TYK2: variants seen among roughly 807,000 people sequenced by gnomAD.
TYK2 encodes tyrosine kinase 2, also known as non-receptor tyrosine-protein kinase TYK2.
In TYK2, 65 loss-of-function variants were observed where a neutral mutation model predicts 130.9. The ratio of observed to expected loss-of-function variants is 0.50; its 90% confidence interval spans 0.41 to 0.61. The LOEUF is 0.61. TYK2 is among the 20% of genes least tolerant of loss of function. The pLI is 0.00. For missense variants in TYK2, 1,378 were observed against 1,610.7 expected (o/e 0.86, Z 2.47); for synonymous variants, 647 against 658.9 (o/e 0.98, Z 0.28).
At chr19:10,363,848 C>T (rs546136521) in intron 9 of TYK2, among the ~76,000 whole-genome samples, 8 of 152,326 alleles carry the variant, frequency 5.3e-5, no homozygotes, top group South Asian at 2.1e-4. Context: ...ACAGCAGGCA[C>T]GGCCACAGGC....
At position 10,365,883 on chromosome 19, in the gene TYK2, G is replaced by T. The variant is rs2041641052; in HGVS notation, c.645C>A (p.Ile215=). 1.9e-6 allele frequency: 3 copies of T among 1,610,192 alleles called. No homozygotes were observed. The highest frequency in any genetic ancestry group is 2.5e-6 in the Non-Finnish European group (3 of 1,178,538). ...GGATATGCCGGCGGAAGGAGCGCGG[G>T]ATGCAGTCCTTGAAGCTGGGGGGAA... is the stretch of plus-strand genomic sequence containing the variant. ...VAKKTSFKDC[I]PRSFRRHIRQ... is the part of the protein sequence containing the mutation. The change falls in exon 7 of 25, where the codon ATC becomes ATA. Residue 215 remains isoleucine (I), a synonymous_variant. Coordinates refer to ENST00000525621, the MANE Select transcript of TYK2 (RefSeq NM_003331.5).
chr19:10,352,963 A>G lies in TYK2; in HGVS notation c.3163T>C (p.Tyr1055His). 6.2e-7 allele frequency: 1 copy of G among 1,607,764 alleles called. No homozygotes were observed. The highest frequency in any genetic ancestry group is 8.5e-7 in the Non-Finnish European group (1 of 1,176,782). The part of the protein sequence containing the change: ...AKAVPEGHEY[Y>H]RVREDGDSPV... ...CTGTCCCCATCCTCGCGCACGCGGT[A>G]GTACTCGTGGCCTTCGGGCACGGCC... The change falls in exon 22 of 25, where the codon TAC (tyrosine) becomes CAC (histidine). Residue 1055 changes from tyrosine (Y) to histidine (H), a missense_variant. By Grantham distance (83) the Tyr-to-His change is moderately conservative. Transcript: ENST00000525621.
chr19:10,358,135 T>C lies in TYK2; in HGVS notation c.2179A>G (p.Asn727Asp), dbSNP rs758289235. 6.2e-7 allele frequency: 1 copy of C among 1,606,674 alleles called. No individual in the cohort carries two copies. Among genetic ancestry groups the C allele is most frequent in the East Asian group, 2.2e-5 (1 of 44,668 alleles). ...ACATTACCATGAACCAGGTTCTTGT[T>C]CTCCTGAGGTGGGCAGGAGAGGGGG... is the stretch of plus-strand genomic sequence containing the variant. ...QLASALSYLE[N>D]KNLVHGNVCG... Residue 727 changes from asparagine (N) to aspartate (D), a missense_variant, in exon 16 of 25, where the codon AAC becomes GAC. Physicochemically the swap from Asn to Asp is conservative, Grantham distance 23. Transcript: ENST00000525621.
chr19:10,351,297 G>A, intron 23 of TYK2, 135 bp from the exon 24 acceptor site: 1 of 665,360 alleles, frequency 1.5e-6, no homozygotes, highest in Non-Finnish European at 2.7e-6. Context: ...GACCAGCCTG[G>A]CCAACATGGT....
In TYK2 at chr19:10,366,517, G is replaced by A. The variant is rs766483793; in HGVS notation, c.529C>T (p.His177Tyr). Residue 177 changes from histidine to tyrosine, a missense_variant, in exon 6 of 25, where the codon CAC (histidine) becomes TAC (tyrosine). Coordinates refer to ENST00000525621, the MANE Select transcript of TYK2 (RefSeq NM_003331.5). ...LWELSTEEEI[H>Y]HFKNESLGMA... ...CCCAGGCTCTCATTCTTAAAGTGGT[G>A]GATCTCCTCCTCGGTCGACAGCTCC... is the stretch of plus-strand genomic sequence containing the variant. 1.1e-5 allele frequency: 17 copies of A among 1,613,890 alleles called. No homozygotes were observed. The highest frequency in any genetic ancestry group is 1.4e-5 in the Non-Finnish European group (16 of 1,180,010).
chr19:10,365,234 C>T (rs1190937146), intron 7 of TYK2, among the ~76,000 whole-genome samples, 186 bp from the exon 8 acceptor site: 1 of 152,192 alleles, frequency 6.6e-6, no homozygotes, highest in Non-Finnish European at 1.5e-5. Flanking sequence ...GGAAGCCGGA[C>T]CCTTAGGGAA....
intron 23 of TYK2, 137 bp downstream of exon 23, chr19:10,352,297 C>T: frequency 8.4e-6 from 6 of 713,006 alleles, no homozygotes; most frequent in Non-Finnish European, 1.5e-5. Context: ...TGGTCTCGAT[C>T]TCCTGACCTC....
Position 10,354,494 on chromosome 19 carries a change from C to G in TYK2, c.2715+18G>C. 6.2e-7 allele frequency: 1 copy of G among 1,611,504 alleles called. No homozygotes were observed. The highest frequency in any genetic ancestry group is 8.5e-7 in the Non-Finnish European group (1 of 1,177,684). ...CCCGACCAGGCGGGCCTTTTAGCAGCTCAGGCCCGTCCCTCACCTCGCCCA... is the reference window on the plus strand; with the variant it reads ...CCCGACCAGGCGGGCCTTTTAGCAGGTCAGGCCCGTCCCTCACCTCGCCCA... On this transcript the variant is annotated intron_variant, in intron 19 of 24. Coordinates refer to ENST00000525621, the MANE Select transcript of TYK2 (RefSeq NM_003331.5).
Position 10,350,626 on chromosome 19 carries a change from A to G in TYK2, c.*208T>C. 1 of 600,106 alleles carries G rather than the reference A, an allele frequency of 1.7e-6. No homozygotes were observed. Among genetic ancestry groups the G allele is most frequent in the Non-Finnish European group, 2.9e-6 (1 of 343,852 alleles). 37.2% of individuals were successfully genotyped at this position (600,106 alleles called of 1,614,324 possible). On this transcript the variant is annotated 3_prime_UTR_variant, in exon 25 of 25. Transcript: ENST00000525621. The stretch of plus-strand genomic sequence containing the variant: ...TAAGGGCTGGATTAGTGCCCCTACA[A>G]ATGTTGGGTCCCTCAAGATCATGGT...
At chr19:10,355,553 T>C (rs1441967409) in intron 18 of TYK2, among the ~76,000 whole-genome samples, 1 of 149,510 alleles carries the variant, frequency 6.7e-6, no homozygotes, top group East Asian at 1.9e-4. Context: ...GGCAGGAGAA[T>C]TGCTCGAACC....
rs1365752883 is a variant in TYK2 at position 10,359,239 on chromosome 19, C to T, written c.2111G>A (p.Gly704Asp). The T allele has an allele frequency of 1.2e-6, 2 of 1,610,746 alleles. No individual in the cohort carries two copies. Among genetic ancestry groups the T allele is most frequent in the East Asian group, 4.5e-5 (2 of 44,854 alleles). Reference protein sequence around the residue: ...PLDVWLRRERGHVPMAWKMVV... With the variant: ...PLDVWLRRERDHVPMAWKMVV... Reference sequence around the variant, plus strand: ...CATCTTCCAAGCCATGGGCACATGGCCCCGCTCCCTCCGCAGCCACACATC... The same window carrying T: ...CATCTTCCAAGCCATGGGCACATGGTCCCGCTCCCTCCGCAGCCACACATC... The change falls in exon 15 of 25, where the codon GGC (glycine) becomes GAC (aspartate). Residue 704 changes from glycine (G) to aspartate (D), a missense_variant. Physicochemically the swap from Gly to Asp is moderately conservative, Grantham distance 94 (BLOSUM62 -1). Coordinates refer to ENST00000525621, the MANE Select transcript of TYK2 (RefSeq NM_003331.5).
At chr19:10,377,063 G>C (rs542839803) in intron 3 of TYK2, among the ~76,000 whole-genome samples, 1 of 152,012 alleles carries the variant, frequency 6.6e-6, no homozygotes, top group Non-Finnish European at 1.5e-5. Flanking sequence ...CACCATGCCT[G>C]GCTAATTTCT....
At chr19:10,357,334 A>G (rs1025891262) in intron 17 of TYK2, 1 of 608,666 alleles carries the variant, frequency 1.6e-6, no homozygotes, top group Non-Finnish European at 2.9e-6. Context: ...GGTTGCAGTG[A>G]GCTGAGATCA....
rs2041399382 is a variant in TYK2, at chr19:10,361,503, C to T, written c.2047+8G>A. The T allele has an allele frequency of 6.5e-7, 1 of 1,544,710 alleles. No individual in the cohort carries two copies. The highest frequency in any genetic ancestry group is 2.0e-5 in the Admixed American group (1 of 50,924). Reference sequence around the variant, plus strand: ...CAAAGGGGGATGGGTATGGCGGGACCCACTCACTTTCAGGGCCGCGCACAC... The same window carrying T: ...CAAAGGGGGATGGGTATGGCGGGACTCACTCACTTTCAGGGCCGCGCACAC... On this transcript the variant is annotated splice_region_variant and intron_variant, in intron 14 of 24. Transcript: ENST00000525621. The surrounding 1 kb of genome is among the most constrained non-coding windows in gnomAD (Gnocchi z 4.0).
chr19:10,367,594 C>T (rs897934047), intron 5 of TYK2, among the ~76,000 whole-genome samples: 1 of 151,736 alleles, frequency 6.6e-6, no homozygotes, highest in African/African-American at 2.4e-5. Flanking sequence ...CACTGCACTC[C>T]AGCCTGGGCC....
At position 10,353,214 on chromosome 19, in the gene TYK2, C is replaced by G; in HGVS notation, c.3028-116G>C. 2 of 927,984 alleles carry G rather than the reference C, an allele frequency of 2.2e-6. No homozygotes were observed. The highest frequency in any genetic ancestry group is 3.0e-6 in the Non-Finnish European group (2 of 665,098). 57.5% of individuals were successfully genotyped at this position (927,984 alleles called of 1,614,324 possible). ...CAGTCAGGTCAGGCCGGTGGCTACC[C>G]GGCCGCTGGAGAGGGCCGGATGGCA... On this transcript the variant is annotated intron_variant, in intron 21 of 24. Transcript: ENST00000525621. This position sits in a 1 kb window ranked among gnomAD's most constrained non-coding sequence, Gnocchi z 6.9.
chr19:10,365,964 G>C (rs547535613), intron 6 of TYK2, 66 bp from the exon 7 acceptor site: 2 of 1,503,128 alleles, frequency 1.3e-6, no homozygotes, highest in African/African-American at 2.7e-5. Context: ...GGTGACACAG[G>C]GCAAGTGGCT....
rs12720236 is a variant in TYK2, at chr19:10,371,532, C to T, written c.194-3114G>A. ...GCGCATGCCTGTAATCCCAGCTACT[C>T]GGGAGGCTGAGGCAGGAGAATTGAA... On this transcript the variant is annotated intron_variant, in intron 3 of 24. Coordinates refer to ENST00000525621, the MANE Select transcript of TYK2 (RefSeq NM_003331.5). Among the ~76,000 whole-genome samples, 1,183 of 151,792 alleles carry T rather than the reference C, an allele frequency of 7.8e-3. 14 individuals carry two copies. Among genetic ancestry groups the T allele is most frequent in the African/African-American group, 0.027 (1,104 of 41,422 alleles).
chr19:10,373,358 T>G (rs1362748528), intron 3 of TYK2, among the ~76,000 whole-genome samples: 1 of 149,726 alleles, frequency 6.7e-6, no homozygotes, highest in African/African-American at 2.5e-5. Context: ...ATTTTTGTTT[T>G]TTGAGACCGA....
Sources: gnomAD v4.1 joint callset for allele counts (sites outside exome capture counted in the v4.1 genomes callset) on GRCh38, gnomAD v4.1.1 for gene constraint, Gnocchi (gnomAD v3.1) non-coding constraint, MANE v1.5 for transcripts, NCBI Gene and HGNC (gene_info 2026-07-23, HGNC 2026-07-21) for gene names.